PGM5: variants seen among roughly 807,000 people sequenced by gnomAD.
PGM5 encodes phosphoglucomutase 5, also known as phosphoglucomutase-like protein 5.
Under a neutral mutation model 59.2 loss-of-function variants are expected in PGM5, and 23 were observed. The ratio of observed to expected loss-of-function variants is 0.39; its 90% confidence interval spans 0.28 to 0.55. The LOEUF is 0.55. PGM5 is among the 20% of genes least tolerant of loss of function. The pLI is 0.66. For synonymous variants in PGM5, 214 were observed against 286.0 expected, an observed-to-expected ratio of 0.75 and a Z score of 2.54; for missense variants, 574 against 748.3, an observed-to-expected ratio of 0.77 and a Z score of 2.72.
intron 9 of PGM5, among the ~76,000 whole-genome samples, chr9:68,487,463 T>TACACACACACACACAC (rs67566624): frequency 2.1e-5 from 3 of 141,784 alleles, no homozygotes; most frequent in Admixed American, 7.1e-5. Flanking sequence ...CACACGCACA[T>TACACACACACACACAC]ACACACACAC....
At chr9:68,455,745 C>G (rs1823764968) in intron 6 of PGM5, among the ~76,000 whole-genome samples, 1 of 152,284 alleles carries the variant, frequency 6.6e-6, no homozygotes, top group Non-Finnish European at 1.5e-5. Flanking sequence ...TGTGTCTCTT[C>G]ATTTAGTCTC....
chr9:68,459,702 T>C (rs1554685227), intron 6 of PGM5, among the ~76,000 whole-genome samples: 2 of 152,204 alleles, frequency 1.3e-5, no homozygotes, highest in Admixed American at 6.5e-5. Flanking sequence ...TGTGGATACA[T>C]AGTAATATTT....
At chr9:68,375,684 G>A (rs1554677552) in intron 1 of PGM5, among the ~76,000 whole-genome samples, 2 of 152,168 alleles carry the variant, frequency 1.3e-5, no homozygotes, top group African/African-American at 4.8e-5. Flanking sequence ...CATACAGTGG[G>A]AAAATAAATA....
At chr9:68,379,290 G>C (rs1422266430) in intron 2 of PGM5, among the ~76,000 whole-genome samples, 1 of 152,132 alleles carries the variant, frequency 6.6e-6, no homozygotes, top group African/African-American at 2.4e-5. Context: ...CACTGAGTTT[G>C]CATGAATGTG....
At chr9:68,358,119 G>C (rs1266249261) in intron 1 of PGM5, among the ~76,000 whole-genome samples, 1 of 152,088 alleles carries the variant, frequency 6.6e-6, no homozygotes, top group Non-Finnish European at 1.5e-5. Flanking sequence ...CAGTTCCCAG[G>C]GGGCATATCT....
At chr9:68,369,661 A>G (rs1422968879) in intron 1 of PGM5, among the ~76,000 whole-genome samples, 1 of 152,164 alleles carries the variant, frequency 6.6e-6, no homozygotes, top group East Asian at 1.9e-4. Flanking sequence ...GACTTGGGCC[A>G]CACTTCTAGA....
chr9:68,498,268 G>A (rs549383193), intron 9 of PGM5: 1 of 152,140 alleles, frequency 6.6e-6, no homozygotes. Context: ...TTTCACCATG[G>A]CAATATAAAT....
At position 68,376,811 on chromosome 9, in the gene PGM5, TTC is replaced by T. The variant is rs1378126991; in HGVS notation, c.262-1386_262-1385del. 8.9e-5 allele frequency among the ~76,000 whole-genome samples: 10 copies of T among 111,896 alleles called. 1 individual carries two copies. Among genetic ancestry groups the T allele is most frequent in the African/African-American group, 3.7e-4 (10 of 27,130 alleles). 73.4% of individuals were successfully genotyped at this position (111,896 alleles called of 152,430 possible). A position where few individuals can be genotyped will look rare whatever the true frequency, so the allele number is the denominator to read the frequency against. Reference sequence around the variant, plus strand: ...TTTCTTTCTTTCTTTCTTTCTTTCTTTCTTTCTTTCTTTCTTTCTTTCTCTTT... The same window carrying T: ...TTTCTTTCTTTCTTTCTTTCTTTCTTTTTCTTTCTTTCTTTCTTTCTCTTT... On this transcript the variant is annotated intron_variant, in intron 1 of 10. Transcript: ENST00000396396.
At chr9:68,445,128 A>G (rs554615972) in intron 6 of PGM5, among the ~76,000 whole-genome samples, 1 of 149,408 alleles carries the variant, frequency 6.7e-6, no homozygotes, top group South Asian at 2.1e-4. Context: ...TGTTAAACTC[A>G]ATAGGATTTT....
At chr9:68,401,724 T>G (rs538932950) in intron 6 of PGM5, among the ~76,000 whole-genome samples, 1 of 152,218 alleles carries the variant, frequency 6.6e-6, no homozygotes, top group East Asian at 1.9e-4. Context: ...GAGGCTACAT[T>G]TGGTTAAATA....
chr9:68,411,465 A>C (rs542459917), intron 6 of PGM5, among the ~76,000 whole-genome samples: 3 of 128,562 alleles, frequency 2.3e-5, no homozygotes, highest in African/African-American at 8.6e-5. Context: ...TATTAAATAT[A>C]TAATGTGTGT....
chr9:68,470,490 G>A (rs1036542015), intron 7 of PGM5, among the ~76,000 whole-genome samples: 11 of 152,214 alleles, frequency 7.2e-5, no homozygotes, highest in African/African-American at 2.2e-4. Flanking sequence ...TCACAATAGT[G>A]CTGTTGCACA....
intron 1 of PGM5, among the ~76,000 whole-genome samples, chr9:68,362,865 CTTT>C (rs1163826772): frequency 1.4e-4 from 14 of 96,762 alleles, no homozygotes; most frequent in Middle Eastern, 7.7e-3. Flanking sequence ...TTTTCTTTTT[CTTT>C]TTTTTTTTTT....
intron 10 of PGM5, among the ~76,000 whole-genome samples, chr9:68,522,635 CT>C (rs1359649807): frequency 6.6e-6 from 1 of 152,140 alleles, no homozygotes; most frequent in Admixed American, 6.5e-5. Flanking sequence ...GAGTGTTTAT[CT>C]TATTAATTGT....
intron 2 of PGM5, among the ~76,000 whole-genome samples, chr9:68,382,620 A>T (rs1554678427): frequency 6.6e-6 from 1 of 151,748 alleles, no homozygotes; most frequent in African/African-American, 2.4e-5. Flanking sequence ...ATTTATTTTT[A>T]TATGAGTGCC....
chr9:68,466,062 G>C (rs1263882834), intron 7 of PGM5: 11 of 968,806 alleles, frequency 1.1e-5, no homozygotes, highest in Non-Finnish European at 1.4e-5. Context: ...GTCCTTCTGA[G>C]GCTCCAATTA....
chr9:68,362,301 A>G (rs1255684701), intron 1 of PGM5, among the ~76,000 whole-genome samples: 1 of 152,170 alleles, frequency 6.6e-6, no homozygotes, highest in Non-Finnish European at 1.5e-5. Flanking sequence ...GTGACAAATG[A>G]ATTTTGTTTT....
intron 6 of PGM5, among the ~76,000 whole-genome samples, chr9:68,443,103 A>G (rs189075186): frequency 1.1e-4 from 17 of 152,360 alleles, no homozygotes; most frequent in East Asian, 5.8e-4. Context: ...TCTATTCATA[A>G]TAGCCCCCAA....
intron 1 of PGM5, chr9:68,371,742 A>G (rs1258947099): frequency 3.3e-5 from 5 of 152,124 alleles, no homozygotes; most frequent in Admixed American, 3.3e-4. Context: ...CAAAAGTTAT[A>G]TTTCTTTTTA....
Sources: allele counts gnomAD v4.1 joint callset (sites outside exome capture counted in the v4.1 genomes callset), GRCh38; gene constraint gnomAD v4.1.1; transcripts MANE v1.5; gene names NCBI Gene and HGNC (gene_info 2026-07-23, HGNC 2026-07-21).